Variants in AMT observed in about 807,000 individuals in gnomAD.
The protein encoded by AMT is aminomethyltransferase, mitochondrial.
A neutral mutation model predicts 39.5 loss-of-function variants in AMT; 24 were observed. That is an observed-to-expected ratio of 0.61 (90% CI 0.44 to 0.86). The LOEUF is 0.86. AMT is among the 40% of genes least tolerant of loss of function. AMT has a pLI of 0.00. For missense variants in AMT, 501 were observed against 537.0 expected, an observed-to-expected ratio of 0.93 and a Z score of 0.66; for synonymous variants, 210 against 212.1, an observed-to-expected ratio of 0.99 and a Z score of 0.09.
At chr3:49,418,763 C>T (rs2049045196) in intron 7 of AMT, 3 of 602,720 alleles carry the variant, frequency 5.0e-6, no homozygotes, top group Non-Finnish European at 9.0e-6. Context: ...CCTCGGCCTC[C>T]CAAAGTGCTG....
intron 3 of AMT, 121 bp from the exon 4 acceptor site, chr3:49,420,463 C>A: frequency 1.4e-6 from 2 of 1,462,766 alleles, no homozygotes; most frequent in Non-Finnish European, 9.5e-7. Flanking sequence ...GTGAAGGACT[C>A]AGGGTGTGCA....
In AMT at chr3:49,421,642, C is replaced by T. The variant is rs2049104069; in HGVS notation, c.259-70G>A. On this transcript the variant is annotated intron_variant, in intron 2 of 8. Transcript: ENST00000273588. ...TCCAAAAGGCTACTAAGCAAGGATG[C>T]ATCCTCCCTGCCATCCACAGTGCAG... 7 of 1,373,156 alleles carry T rather than the reference C, an allele frequency of 5.1e-6. No individual in the cohort carries two copies. The South Asian group carries it at 7.0e-5, about 14-fold the overall frequency. The allele number at this position is 1,373,156 out of a possible 1,614,324, so 85.1% of individuals were successfully genotyped here. A position where few individuals can be genotyped will look rare whatever the true frequency, so the allele number is the denominator to read the frequency against.
chr3:49,417,424 A>G lies in AMT; in HGVS notation c.*116T>C, dbSNP rs1385124159. On this transcript the variant is annotated 3_prime_UTR_variant, in exon 9 of 9. Coordinates refer to ENST00000273588, the MANE Select transcript of AMT (RefSeq NM_000481.4). ...GGTGGTGTGGCCCCTCAACCAGACA[A>G]TTAGAATCAGCCTCCACCTTAACTG... 6.2e-7 allele frequency: 1 copy of G among 1,612,266 alleles called. No individual in the cohort carries two copies. Among genetic ancestry groups the G allele is most frequent in the South Asian group, 1.1e-5 (1 of 91,078 alleles).
rs2049014923 is a variant in AMT, at chr3:49,417,283, G to A, written c.*257C>T. 6.3e-7 allele frequency: 1 copy of A among 1,598,576 alleles called. No individual in the cohort carries two copies. Among genetic ancestry groups the A allele is most frequent in the Admixed American group, 1.7e-5 (1 of 59,978 alleles). ...AAAGCTTCTCATTACCCTCCAGCAG[G>A]CAAGAGTAGGTCAGTGGGATCATGG... On this transcript the variant is annotated 3_prime_UTR_variant, in exon 9 of 9. Transcript: ENST00000273588.
Position 49,417,076 on chromosome 3 carries a change from G to A in AMT, c.*464C>T. 1.5e-6 allele frequency: 1 copy of A among 661,072 alleles called. No homozygotes were observed. The highest frequency in any genetic ancestry group is 2.8e-6 in the Non-Finnish European group (1 of 361,744). 41.0% of individuals were successfully genotyped at this position (661,072 alleles called of 1,614,324 possible). A position where few individuals can be genotyped will look rare whatever the true frequency, so the allele number is the denominator to read the frequency against. ...GCAATCATTCCTGACTTGCAGTAAGGACAATTTGCATTTACGGAAAGCAAA... is the reference window on the plus strand; with the variant it reads ...GCAATCATTCCTGACTTGCAGTAAGAACAATTTGCATTTACGGAAAGCAAA... On this transcript the variant is annotated 3_prime_UTR_variant, in exon 9 of 9. Coordinates refer to ENST00000273588, the MANE Select transcript of AMT (RefSeq NM_000481.4).
chr3:49,417,579 C>T lies in AMT; in HGVS notation c.1173G>A (p.Lys391=). 1 of 1,614,214 alleles carries T rather than the reference C, an allele frequency of 6.2e-7. No individual in the cohort carries two copies. The highest frequency in any genetic ancestry group is 8.5e-7 in the Non-Finnish European group (1 of 1,180,038). ...AGTAGTTTGTGGGCACAAAGGGCAT[C>T]TTGCTGACTACAGCCATCTGCTGCT... ...RRKQQMAVVS[K]MPFVPTNYYT... Residue 391 remains lysine (K), a synonymous_variant, in exon 9 of 9, where the codon AAG becomes AAA. Coordinates refer to ENST00000273588, the MANE Select transcript of AMT (RefSeq NM_000481.4).
chr3:49,420,597 T>C (rs1181379096), intron 3 of AMT: 1 of 499,136 alleles, frequency 2.0e-6, no homozygotes, highest in Non-Finnish European at 3.7e-6. Context: ...CCCCACTCTG[T>C]ACTGAGAGTC....
intron 7 of AMT, chr3:49,418,210 G>C (rs1272606948): frequency 3.6e-6 from 2 of 551,796 alleles, no homozygotes; most frequent in East Asian, 6.3e-5. Flanking sequence ...TTGAGATGGA[G>C]TCACTCTGTC....
At chr3:49,418,401 T>G in intron 7 of AMT, 1 of 245,174 alleles carries the variant, frequency 4.1e-6, no homozygotes, top group Non-Finnish European at 8.1e-6. Flanking sequence ...CAGGCTATTC[T>G]CGAATTCCTG....
Position 49,417,897 on chromosome 3 carries a change from CCG to C in AMT, c.952_953del (p.Arg318GlufsTer8). ...CCTCACACATCAACCCCACACGCCTCCGCTGCACCCTGCCCTTCAGCTGGGGA... is the reference window on the plus strand; with the variant it reads ...CCTCACACATCAACCCCACACGCCTCCTGCACCCTGCCCTTCAGCTGGGGA... ...IVPQLKGRVQ[R>X]RRVGLMCEGA... On this transcript the variant is annotated frameshift_variant, in exon 8 of 9. Transcript: ENST00000273588. LOFTEE classifies it high-confidence loss of function. The C allele has an allele frequency of 6.2e-7, 1 of 1,613,838 alleles. No individual in the cohort carries two copies. The highest frequency in any genetic ancestry group is 8.5e-7 in the Non-Finnish European group (1 of 1,179,964).
intron 5 of AMT, 84 bp downstream of exon 5, chr3:49,419,626 T>A (rs1170693381): frequency 2.0e-6 from 3 of 1,496,062 alleles, no homozygotes; most frequent in Non-Finnish European, 2.8e-6. Context: ...TTCCACACAT[T>A]CTTCTTGGTA....
At chr3:49,417,755 C>G (rs758281017) in intron 8 of AMT, 37 bp from the exon 9 acceptor site, 21 of 1,614,080 alleles carry the variant, frequency 1.3e-5, no homozygotes, top group Non-Finnish European at 1.8e-5. Context: ...CAGCACCACC[C>G]TGCCAGTGCC....
chr3:49,419,750 C>G lies in AMT; in HGVS notation c.510G>C (p.Val170=), dbSNP rs140380954. The G allele has an allele frequency of 1.3e-4, 211 of 1,614,184 alleles. No individual in the cohort carries two copies. In the African/African-American group the frequency reaches 2.5e-3, roughly 19 times the overall value. Residue 170 remains valine (V), a synonymous_variant, in exon 5 of 9, where the codon GTG becomes GTC. Coordinates refer to ENST00000273588, the MANE Select transcript of AMT (RefSeq NM_000481.4). The stretch of plus-strand genomic sequence containing the variant: ...GGGCATTATCCAACACCTCCAGGCC[C>G]ACATCTCTGCCCTGGTTCTGAAGCT... ...VRELQNQGRD[V]GLEVLDNALL... is the part of the protein sequence containing the mutation.
At chr3:49,418,834 A>G in intron 7 of AMT, 137 bp downstream of exon 7, 1 of 936,674 alleles carries the variant, frequency 1.1e-6, no homozygotes, top group Non-Finnish European at 1.7e-6. Context: ...GGGCAAAGGC[A>G]CAGTGGCACC....
intron 2 of AMT, 123 bp downstream of exon 2, chr3:49,421,981 C>A (rs1482525551): frequency 1.4e-6 from 2 of 1,394,310 alleles, no homozygotes; most frequent in African/African-American, 1.4e-5. Flanking sequence ...ACCCCCATGA[C>A]CTCTAGCTCT....
chr3:49,420,351 A>C lies in AMT; in HGVS notation c.340-9T>G. 6.2e-7 allele frequency: 1 copy of C among 1,614,124 alleles called. No homozygotes were observed. Reference sequence around the variant, plus strand: ...AACAGCGACAGTGTCCCCTAGGACCAAAGTGGAGCGTTTTGGCTTCCAGGT... The same window carrying C: ...AACAGCGACAGTGTCCCCTAGGACCCAAGTGGAGCGTTTTGGCTTCCAGGT... On this transcript the variant is annotated splice_polypyrimidine_tract_variant and intron_variant, in intron 3 of 8. Coordinates refer to ENST00000273588, the MANE Select transcript of AMT (RefSeq NM_000481.4).
chr3:49,420,048 C>A (rs779107755), intron 4 of AMT, 163 bp downstream of exon 4: 70 of 1,001,766 alleles, frequency 7.0e-5, no homozygotes, highest in Non-Finnish European at 9.7e-5. Context: ...CCACCAAACC[C>A]TGGCGTGCTC....
intron 4 of AMT, 66 bp downstream of exon 4, chr3:49,420,145 T>C: frequency 6.2e-7 from 1 of 1,607,466 alleles, no homozygotes; most frequent in East Asian, 2.2e-5. Context: ...AACCCTGTCT[T>C]GGACAACAAG....
chr3:49,417,422 CA>C lies in AMT; in HGVS notation c.*117del. On this transcript the variant is annotated 3_prime_UTR_variant, in exon 9 of 9. Transcript: ENST00000273588. ...TAGGTGGTGTGGCCCCTCAACCAGA[CA>C]ATTAGAATCAGCCTCCACCTTAACT... The C allele has an allele frequency of 6.2e-7, 1 of 1,612,038 alleles. No homozygotes were observed. Among genetic ancestry groups the C allele is most frequent in the Non-Finnish European group, 8.5e-7 (1 of 1,179,828 alleles).
Sources: allele counts gnomAD v4.1 joint callset, GRCh38; gene constraint gnomAD v4.1.1; transcripts MANE v1.5; gene names NCBI Gene and HGNC (gene_info 2026-07-23, HGNC 2026-07-21).